Variants in SPOCD1 observed in about 807,000 individuals in gnomAD.
SPOCD1 encodes the protein SPOC domain containing 1, also known as SPOC domain-containing protein 1.
A neutral mutation model predicts 92.2 loss-of-function variants in SPOCD1; 64 were observed. The ratio of observed to expected loss-of-function variants is 0.69; its 90% CI spans 0.57 to 0.86. SPOCD1 has a LOEUF of 0.86. Among genes scored for constraint, SPOCD1 ranks in the 40% least tolerant of loss-of-function variants. SPOCD1 has a pLI of 0.00. For synonymous variants in SPOCD1, 578 were observed against 619.3 expected, an observed-to-expected ratio of 0.93 and a Z score of 0.99; for missense variants, 1,360 against 1,543.1, an observed-to-expected ratio of 0.88 and a Z score of 1.99.
chr1:31,791,016 G>A lies in SPOCD1; in HGVS notation c.3238C>T (p.Pro1080Ser), dbSNP rs752265114. The change falls in exon 16 of 16, where the codon CCA becomes TCA. Residue 1080 changes from proline to serine, a missense_variant. Coordinates refer to ENST00000360482, the MANE Select transcript of SPOCD1 (RefSeq NM_144569.7). ...CTCTGCCAAGCAGAGATTCCCCTTGGAGCTATACTGCCCCTGCCCTGGCTC... is the reference window on the plus strand; with the variant it reads ...CTCTGCCAAGCAGAGATTCCCCTTGAAGCTATACTGCCCCTGCCCTGGCTC... ...QQSQGRGSIA[P>S]RGISAWQRPP... The A allele has an allele frequency of 7.5e-6, 12 of 1,608,240 alleles. No homozygotes were observed. In the Admixed American group the frequency reaches 1.3e-4, roughly 18 times the overall value.
chr1:31,791,338 C>A (rs767437452), intron 15 of SPOCD1, 47 bp from the exon 16 acceptor site: 8 of 1,412,578 alleles, frequency 5.7e-6, no homozygotes, highest in Non-Finnish European at 7.5e-6. Context: ...GATCTGGAGC[C>A]TACATCCCAG....
Position 31,814,919 on chromosome 1 carries a change from A to G in SPOCD1, c.415T>C (p.Ser139Pro), listed in dbSNP as rs1649456685. The G allele has an allele frequency of 8.1e-6, 13 of 1,613,770 alleles. No individual in the cohort carries two copies. Among genetic ancestry groups the G allele is most frequent in the Non-Finnish European group, 1.0e-5 (12 of 1,179,986 alleles). ...DSCPRKLCSR[S>P]AGLPERALAC... ...AGAGCTCTCTCTGGGAGGCCAGCAGACCTGCTACAAAGTTTCCTGGGGCAA... is the reference window on the plus strand; with the variant it reads ...AGAGCTCTCTCTGGGAGGCCAGCAGGCCTGCTACAAAGTTTCCTGGGGCAA... The change falls in exon 2 of 16, where the codon TCT (serine) becomes CCT (proline). Residue 139 changes from serine (S) to proline (P), a missense_variant. Physicochemically the swap from Ser to Pro is moderately conservative, Grantham distance 74. This residue lies in a region of SPOCD1 where 140 missense variants were observed against 183.8 expected (regional missense o/e 0.76). Transcript: ENST00000360482. The surrounding 1 kb of genome is among the most constrained non-coding windows in gnomAD (Gnocchi z 4.2).
At position 31,815,391 on chromosome 1, in the gene SPOCD1, A is replaced by C. The variant is rs977016693; in HGVS notation, c.-39-19T>G. 3.4e-6 allele frequency: 5 copies of C among 1,487,854 alleles called. No individual in the cohort carries two copies. The South Asian group carries it at 7.2e-5, about 21-fold the overall frequency. 92.2% of individuals were successfully genotyped at this position (1,487,854 alleles called of 1,614,324 possible). ...ACGGGCCCTGTGTGGAGACAGAAAG[A>C]GGAGACTTTGTCTTGGAGAGTCCGA... On this transcript the variant is annotated intron_variant, in intron 1 of 15. Transcript: ENST00000360482.
Position 31,792,304 on chromosome 1 carries a change from A to C in SPOCD1, c.2873T>G (p.Leu958Arg), listed in dbSNP as rs750485914. Reference protein sequence around the residue: ...SYLNDRQRHGLASVEHMGMVL... With the variant: ...SYLNDRQRHGRASVEHMGMVL... Reference sequence around the variant, plus strand: ...CATCCCCATGTGCTCCACAGAGGCCAGCCCGTGGCGCTGCCTATCATTGAG... The same window carrying C: ...CATCCCCATGTGCTCCACAGAGGCCCGCCCGTGGCGCTGCCTATCATTGAG... The change falls in exon 15 of 16, where the codon CTG (leucine) becomes CGG (arginine). Residue 958 changes from leucine to arginine, a missense_variant. This residue lies in a region of SPOCD1 where 614 missense variants were observed against 757.8 expected (regional missense o/e 0.81). Coordinates refer to ENST00000360482, the MANE Select transcript of SPOCD1 (RefSeq NM_144569.7). 6 of 1,613,850 alleles carry C rather than the reference A, an allele frequency of 3.7e-6. No homozygotes were observed. The African/African-American group carries it at 6.7e-5, about 18-fold the overall frequency.
intron 1 of SPOCD1, chr1:31,815,759 A>C (rs1344073115): frequency 1.6e-5 from 2 of 121,390 alleles, no homozygotes; most frequent in African/African-American, 6.7e-5. Context: ...GAAGCACAGG[A>C]AGTGGAAGGG....
Position 31,814,345 on chromosome 1 carries a change from A to C in SPOCD1, c.989T>G (p.Leu330Arg). The C allele has an allele frequency of 1.3e-6, 2 of 1,584,186 alleles. No homozygotes were observed. The highest frequency in any genetic ancestry group is 1.7e-6 in the Non-Finnish European group (2 of 1,161,850). Residue 330 changes from leucine to arginine, a missense_variant, in exon 2 of 16, where the codon CTG (leucine) becomes CGG (arginine). Transcript: ENST00000360482. This position sits in a 1 kb window ranked among gnomAD's most constrained non-coding sequence, Gnocchi z 4.2. ...TGCAGAGGCCTGTGCTGACGCCCCC[A>C]GGCACAGTGCTGCGCTCTGTGGAGG... ...QAPPQSAALC[L>R]GASAQASAEQ...
rs1466292092 is a variant in SPOCD1 at position 31,796,631 on chromosome 1, G to A, written c.2230C>T (p.Gln744Ter). ...GTCAGTGTCTGGTCCATGTCCCGCT[G>A]AATCTCCACTTCGCCCTTGTGGGTC... is the stretch of plus-strand genomic sequence containing the variant. ...KMTHKGEVEI[Q>*]RDMDQTLTLE... The change falls in exon 10 of 16, where the codon CAG (glutamine) becomes TAG (stop). Residue 744 changes from glutamine to a stop codon, truncating the protein, a stop_gained. Coordinates refer to ENST00000360482, the MANE Select transcript of SPOCD1 (RefSeq NM_144569.7). LOFTEE classifies it high-confidence loss of function. 6.2e-7 allele frequency: 1 copy of A among 1,614,250 alleles called. No individual in the cohort carries two copies. Among genetic ancestry groups the A allele is most frequent in the Non-Finnish European group, 8.5e-7 (1 of 1,180,050 alleles).
In SPOCD1 at chr1:31,809,584, T is replaced by C. The variant is rs937819898; in HGVS notation, c.1383+4367A>G. ...CACATGGAGTCAACAAATAAATAAATTGGGGCATATTCATGCAATGGGGAT... is the reference window on the plus strand; with the variant it reads ...CACATGGAGTCAACAAATAAATAAACTGGGGCATATTCATGCAATGGGGAT... On this transcript the variant is annotated intron_variant, in intron 2 of 15. Transcript: ENST00000360482. Among the ~76,000 whole-genome samples the C allele has an allele frequency of 7.3e-5, 11 of 151,262 alleles. No homozygotes were observed. The East Asian group carries it at 7.7e-4, about 11-fold the overall frequency.
rs753850107 is a variant in SPOCD1, at chr1:31,792,373, T to C, written c.2804A>G (p.His935Arg). The stretch of plus-strand genomic sequence containing the variant: ...GCAGTTCTGGGTGTCCCGGGCCCCA[T>C]GTGGGCACAGTCTGACCACGCAGAC... Reference protein sequence around the residue: ...KDVCVVRLCPHGARDTQNCRL... With the variant: ...KDVCVVRLCPRGARDTQNCRL... Residue 935 changes from histidine to arginine, a missense_variant, in exon 15 of 16, where the codon CAT (histidine) becomes CGT (arginine). Physicochemically the swap from His to Arg is conservative, Grantham distance 29 (BLOSUM62 0). Transcript: ENST00000360482. 29 of 1,613,682 alleles carry C rather than the reference T, an allele frequency of 1.8e-5. No individual in the cohort carries two copies. Among genetic ancestry groups the C allele is most frequent in the Non-Finnish European group, 2.3e-5 (27 of 1,180,010 alleles).
At chr1:31,807,781 T>A (rs1267005351) in intron 2 of SPOCD1, among the ~76,000 whole-genome samples, 1 of 151,300 alleles carries the variant, frequency 6.6e-6, no homozygotes, top group Non-Finnish European at 1.5e-5. Context: ...AGAGAGGAGG[T>A]ATAACTAGCT....
chr1:31,791,336 G>A (rs751367530), intron 15 of SPOCD1, 45 bp from the exon 16 acceptor site: 1 of 1,422,664 alleles, frequency 7.0e-7, no homozygotes, highest in Non-Finnish European at 9.3e-7. Context: ...CAGATCTGGA[G>A]CCTACATCCC....
At chr1:31,797,280 A>G (rs1264531938) in intron 9 of SPOCD1, among the ~76,000 whole-genome samples, 2 of 152,224 alleles carry the variant, frequency 1.3e-5, no homozygotes, top group Non-Finnish European at 2.9e-5. Flanking sequence ...TCCTTTTCTA[A>G]CAACCCCTGG....
At chr1:31,799,555 G>T in intron 6 of SPOCD1, 70 bp from the exon 7 acceptor site, 1 of 1,386,184 alleles carries the variant, frequency 7.2e-7, no homozygotes, top group Non-Finnish European at 1.0e-6. Flanking sequence ...ACTCAAGGCT[G>T]ATGGGTTTAG....
At chr1:31,804,860 C>T (rs1046156139) in intron 2 of SPOCD1, among the ~76,000 whole-genome samples, 7 of 151,866 alleles carry the variant, frequency 4.6e-5, no homozygotes, top group African/African-American at 1.2e-4. Flanking sequence ...TGGAAAGGTA[C>T]GCGCTTGGAA....
rs955372892 is a variant in SPOCD1, at chr1:31,800,392, GTGAAGGTGCC to G, written c.1602+39_1602+48del. On this transcript the variant is annotated intron_variant, in intron 4 of 15. Transcript: ENST00000360482. ...TCAGTGACATCTCTGTGAATCAGGT[GTGAAGGTGCC>G]TCTCTCAGCAGGATTAAATGACATC... 5 of 1,500,236 alleles carry G rather than the reference GTGAAGGTGCC, an allele frequency of 3.3e-6. No homozygotes were observed. In the South Asian group the frequency reaches 5.1e-5, roughly 15 times the overall value. The allele number at this position is 1,500,236 out of a possible 1,614,324, so 92.9% of individuals were successfully genotyped here. A position where few individuals can be genotyped will look rare whatever the true frequency, so the allele number is the denominator to read the frequency against.
In SPOCD1 at chr1:31,790,898, T is replaced by C. The variant is rs371087525; in HGVS notation, c.3356A>G (p.Gln1119Arg). 1 of 1,584,514 alleles carries C rather than the reference T, an allele frequency of 6.3e-7. No individual in the cohort carries two copies. The highest frequency in any genetic ancestry group is 8.6e-7 in the Non-Finnish European group (1 of 1,165,776). The stretch of plus-strand genomic sequence containing the variant: ...TGCTACTGAATAGGGATGCTGGGAC[T>C]GGCGCAAGCCTGGCTCTGGGGGCCA... Reference protein sequence around the residue: ...GQWPPEPGLRQSQHPYSVAPA... With the variant: ...GQWPPEPGLRRSQHPYSVAPA... The change falls in exon 16 of 16, where the codon CAG becomes CGG. Residue 1119 changes from glutamine to arginine, a missense_variant. This residue lies in a region of SPOCD1 where 614 missense variants were observed against 757.8 expected (regional missense o/e 0.81). Transcript: ENST00000360482.
At position 31,815,171 on chromosome 1, in the gene SPOCD1, T is replaced by G; in HGVS notation, c.163A>C (p.Ser55Arg). Reference sequence around the variant, plus strand: ...TCCTTCCTGGGGATCTTCCTTCTGCTGCCAGCCCTGACTCCGGGCCCAGAG... The same window carrying G: ...TCCTTCCTGGGGATCTTCCTTCTGCGGCCAGCCCTGACTCCGGGCCCAGAG... ...ASSGPGVRAG[S>R]RRKIPRKEAL... Residue 55 changes from serine to arginine, a missense_variant, in exon 2 of 16, where the codon AGC becomes CGC. Around this residue, in one of 3 missense-constraint regions of SPOCD1, gnomAD observed 140 missense variants for 183.8 expected, o/e 0.76. Coordinates refer to ENST00000360482, the MANE Select transcript of SPOCD1 (RefSeq NM_144569.7). 6.2e-7 allele frequency: 1 copy of G among 1,607,278 alleles called. No homozygotes were observed.
At position 31,799,344 on chromosome 1, in the gene SPOCD1, C is replaced by T. The variant is rs115594549; in HGVS notation, c.1868+57G>A. ...TTAGAACATGGCAGGGCCCCGGAGG[C>T]GGGGGCATGTGAGGGCGGCCCTTGG... On this transcript the variant is annotated intron_variant, in intron 7 of 15. Transcript: ENST00000360482. The T allele has an allele frequency of 7.1e-3, 10,455 of 1,467,482 alleles. 53 individuals are homozygous for T. The highest frequency in any genetic ancestry group is 8.3e-3 in the Non-Finnish European group (8,874 of 1,066,830). 90.9% of individuals were successfully genotyped at this position (1,467,482 alleles called of 1,614,324 possible).
chr1:31,804,981 C>CTTTT (rs1648718567), intron 2 of SPOCD1, among the ~76,000 whole-genome samples: 1 of 54,306 alleles, frequency 1.8e-5, no homozygotes, highest in African/African-American at 6.6e-5. Flanking sequence ...TTCTTTCTTT[C>CTTTT]TTTCTTTTTT....
Sources: gnomAD v4.1 joint callset for allele counts (sites outside exome capture counted in the v4.1 genomes callset) on GRCh38, gnomAD v4.1.1 for gene constraint, gnomAD v4.1.1 regional missense constraint, Gnocchi (gnomAD v3.1) non-coding constraint, MANE v1.5 for transcripts, NCBI Gene and HGNC (gene_info 2026-07-23, HGNC 2026-07-21) for gene names.